Variants in TEX2 observed in about 807,000 individuals in gnomAD.
The protein encoded by TEX2 is testis expressed 2.
In TEX2, 53 loss-of-function variants were observed where a neutral mutation model predicts 106.9. The observed-to-expected ratio is 0.50, with a 90% CI of 0.40 to 0.62. The LOEUF is 0.62. Among genes scored for constraint, TEX2 ranks in the 20% least tolerant of loss-of-function variants. The probability of loss-of-function intolerance (pLI) is 0.00; values close to 1 mark genes in which losing one functional copy is unlikely to be tolerated. For synonymous variants in TEX2, 523 were observed against 534.8 expected, an observed-to-expected ratio of 0.98 and a Z score of 0.30; for missense variants, 1,207 against 1,379.0, an observed-to-expected ratio of 0.88 and a Z score of 1.98.
intron 1 of TEX2, among the ~76,000 whole-genome samples, chr17:64,231,661 A>G (rs1412574249): frequency 6.6e-6 from 1 of 152,252 alleles, no homozygotes; most frequent in Non-Finnish European, 1.5e-5. Context: ...GTGAGAACTG[A>G]ATAGGTCCTG....
intron 1 of TEX2, among the ~76,000 whole-genome samples, chr17:64,251,735 C>T (rs1555637020): frequency 2.0e-5 from 3 of 152,116 alleles, no homozygotes; most frequent in Non-Finnish European, 2.9e-5. Flanking sequence ...AACACAACTG[C>T]CCAGCTTCTT....
Position 64,193,885 on chromosome 17 carries a change from T to C in TEX2, c.1850A>G (p.Tyr617Cys). ...TCGAGCCAAAGTTTTAGGTACAAGATAAATCTACAGAGAAAGAAAAATGAT... is the reference window on the plus strand; with the variant it reads ...TCGAGCCAAAGTTTTAGGTACAAGACAAATCTACAGAGAAAGAAAAATGAT... ...KIYDLSDSKIYLVPKTLARKR... is the reference protein window; with the variant it reads ...KIYDLSDSKICLVPKTLARKR... The change falls in exon 4 of 12, where the codon TAT becomes TGT. Residue 617 changes from tyrosine (Y) to cysteine (C), a missense_variant. Around this residue, in one of 3 missense-constraint regions of TEX2, gnomAD observed 1,067 missense variants for 1,193.6 expected, o/e 0.89. Coordinates refer to ENST00000584379, the MANE Select transcript of TEX2 (RefSeq NM_001288732.2). The C allele has an allele frequency of 6.5e-7, 1 of 1,536,354 alleles. No individual in the cohort carries two copies. Among genetic ancestry groups the C allele is most frequent in the African/African-American group, 1.4e-5 (1 of 72,322 alleles).
chr17:64,236,342 C>T (rs560789917), intron 1 of TEX2, among the ~76,000 whole-genome samples: 6 of 152,202 alleles, frequency 3.9e-5, no homozygotes, highest in African/African-American at 1.4e-4. Flanking sequence ...GCAGGAGGAT[C>T]GCTTGAGCCC....
At chr17:64,207,465 C>T (rs781969527) in intron 2 of TEX2, among the ~76,000 whole-genome samples, 2 of 152,198 alleles carry the variant, frequency 1.3e-5, no homozygotes, top group Non-Finnish European at 2.9e-5. Flanking sequence ...TACCTTCCCT[C>T]AAGAATTGCA....
At chr17:64,230,479 A>T (rs1470988980) in intron 1 of TEX2, 1 of 152,324 alleles carries the variant, frequency 6.6e-6, no homozygotes, top group East Asian at 1.9e-4. Flanking sequence ...ATAGGCCCTG[A>T]GGGGGAACAT....
At chr17:64,152,924 C>T in intron 10 of TEX2, 21 bp downstream of exon 10, 1 of 1,609,254 alleles carries the variant, frequency 6.2e-7, no homozygotes, top group Non-Finnish European at 8.5e-7. Context: ...CACTTATTGT[C>T]CCTGAGGGCC....
rs376979941 is a variant in TEX2, at chr17:64,240,048, G to A, written c.-26+23120C>T. On this transcript the variant is annotated intron_variant, in intron 1 of 11. Coordinates refer to ENST00000584379, the MANE Select transcript of TEX2 (RefSeq NM_001288732.2). ...AAGTCCTTACAGATGGTAAGTATAT[G>A]CACTGCCTAGAAATGCATAAATGAA... Among the ~76,000 whole-genome samples, 91 of 152,112 alleles carry A rather than the reference G, an allele frequency of 6.0e-4. No homozygotes were observed. In the Middle Eastern group the frequency reaches 0.01, roughly 17 times the overall value.
chr17:64,226,263 T>G (rs1411008031), intron 1 of TEX2, among the ~76,000 whole-genome samples: 1 of 152,068 alleles, frequency 6.6e-6, no homozygotes, highest in Non-Finnish European at 1.5e-5. Context: ...TTCCAGGCAG[T>G]AAGAGGAGAG....
chr17:64,249,033 T>G (rs1490142810), intron 1 of TEX2, among the ~76,000 whole-genome samples: 3 of 145,814 alleles, frequency 2.1e-5, no homozygotes, highest in Non-Finnish European at 1.5e-5. Flanking sequence ...AGACTTTGTC[T>G]CAAAGAAAAA....
intron 2 of TEX2, among the ~76,000 whole-genome samples, chr17:64,197,216 T>C (rs944473671): frequency 9.2e-5 from 14 of 152,072 alleles, no homozygotes; most frequent in African/African-American, 3.4e-4. Flanking sequence ...TCCTTAAAGG[T>C]TTGATAGCAT....
At chr17:64,183,251 G>C (rs754965378) in intron 5 of TEX2, among the ~76,000 whole-genome samples, 4 of 152,156 alleles carry the variant, frequency 2.6e-5, no homozygotes, top group Non-Finnish European at 5.9e-5. Context: ...ATAAATATTT[G>C]TGTACAAGTG....
rs561670909 is a variant in TEX2, at chr17:64,177,315, A to T, written c.2571+10T>A. 8.1e-6 allele frequency: 13 copies of T among 1,614,024 alleles called. No homozygotes were observed. The African/African-American group carries it at 1.6e-4, about 20-fold the overall frequency. ...AGAGGATTAGAAGCCTCTTGTGTGG[A>T]AAGTGATACCTTTATTTTGCTGAGT... is the stretch of plus-strand genomic sequence containing the variant. On this transcript the variant is annotated intron_variant, in intron 6 of 11. Coordinates refer to ENST00000584379, the MANE Select transcript of TEX2 (RefSeq NM_001288732.2).
At chr17:64,228,641 G>GCTTT (rs2033576075) in intron 1 of TEX2, among the ~76,000 whole-genome samples, 3 of 152,156 alleles carry the variant, frequency 2.0e-5, no homozygotes, top group Admixed American at 6.5e-5. Context: ...TACAGATGAA[G>GCTTT]CTTTGCTCAC....
chr17:64,199,294 T>C (rs2143941706), intron 2 of TEX2, among the ~76,000 whole-genome samples: 1 of 152,374 alleles, frequency 6.6e-6, no homozygotes, highest in African/African-American at 2.4e-5. Flanking sequence ...TGGAGTGCAG[T>C]GGCGTTACCT....
At chr17:64,261,514 C>T (rs1310956094) in intron 1 of TEX2, among the ~76,000 whole-genome samples, 1 of 152,140 alleles carries the variant, frequency 6.6e-6, no homozygotes, top group Non-Finnish European at 1.5e-5. Flanking sequence ...AACCAAACTC[C>T]TGAATTTTTC....
intron 7 of TEX2, 150 bp from the exon 8 acceptor site, chr17:64,161,083 A>G (rs2030863656): frequency 1.2e-6 from 1 of 824,148 alleles, no homozygotes; most frequent in Non-Finnish European, 1.9e-6. Context: ...CTGAGAGCAC[A>G]TTGTGCCATC....
At position 64,213,380 on chromosome 17, in the gene TEX2, C is replaced by T; in HGVS notation, c.838G>A (p.Val280Met). The T allele has an allele frequency of 6.2e-7, 1 of 1,613,994 alleles. No individual in the cohort carries two copies. Among genetic ancestry groups the T allele is most frequent in the Non-Finnish European group, 8.5e-7 (1 of 1,180,022 alleles). ...SPSDTRSFFK[V>M]PEMEAKIEDT... ...TCAATTTTAGCCTCCATTTCGGGCACTTTAAAAAAGGAACGAGTATCAGAG... is the reference window on the plus strand; with the variant it reads ...TCAATTTTAGCCTCCATTTCGGGCATTTTAAAAAAGGAACGAGTATCAGAG... The change falls in exon 2 of 12, where the codon GTG (valine) becomes ATG (methionine). Residue 280 changes from valine (V) to methionine (M), a missense_variant. Around this residue, in one of 3 missense-constraint regions of TEX2, gnomAD observed 1,067 missense variants for 1,193.6 expected, o/e 0.89. Transcript: ENST00000584379. The surrounding 1 kb of genome is among the most constrained non-coding windows in gnomAD (Gnocchi z 4.4).
intron 1 of TEX2, among the ~76,000 whole-genome samples, chr17:64,250,847 A>C (rs1253151690): frequency 1.3e-5 from 2 of 151,808 alleles, no homozygotes; most frequent in African/African-American, 2.4e-5. Flanking sequence ...ATGCCCAGCT[A>C]ATTTTTGTTT....
In TEX2 at chr17:64,213,592, C is replaced by A. The variant is rs1555632097; in HGVS notation, c.626G>T (p.Arg209Met). The A allele has an allele frequency of 6.2e-7, 1 of 1,614,086 alleles. No homozygotes were observed. Among genetic ancestry groups the A allele is most frequent in the Admixed American group, 1.7e-5 (1 of 60,006 alleles). ...VEPKESPHPA[R>M]HRHLMKTLVK... ...TAATGTCTTCATCAAGTGCCTGTGCCTTGCGGGGTGTGGGGATTCTTTTGG... is the reference window on the plus strand; with the variant it reads ...TAATGTCTTCATCAAGTGCCTGTGCATTGCGGGGTGTGGGGATTCTTTTGG... The change falls in exon 2 of 12, where the codon AGG becomes ATG. Residue 209 changes from arginine (R) to methionine (M), a missense_variant. Transcript: ENST00000584379. The surrounding 1 kb of genome is among the most constrained non-coding windows in gnomAD (Gnocchi z 4.4).
Sources: gnomAD v4.1 joint callset for allele counts (sites outside exome capture counted in the v4.1 genomes callset) on GRCh38, gnomAD v4.1.1 for gene constraint, gnomAD v4.1.1 regional missense constraint, Gnocchi (gnomAD v3.1) non-coding constraint, MANE v1.5 for transcripts, NCBI Gene and HGNC (gene_info 2026-07-23, HGNC 2026-07-21) for gene names.